OCM: variants seen among roughly 807,000 people sequenced by gnomAD.
The protein encoded by OCM is oncomodulin.
A neutral mutation model predicts 14.1 loss-of-function variants in OCM; 18 were observed. That is an observed-to-expected ratio of 1.28 (90% confidence interval 0.88 to 1.89). OCM has a LOEUF of 1.89. Ranked by LOEUF, OCM falls within the 40% of genes most tolerant of loss-of-function variation. The probability of loss-of-function intolerance (pLI) is 0.00; values close to 1 mark genes in which losing one functional copy is unlikely to be tolerated. For missense variants in OCM, 140 were observed against 137.6 expected (o/e 1.02, Z -0.09); for synonymous variants, 48 against 51.0 (o/e 0.94, Z 0.25).
At chr7:5,873,820 T>A in the OCM span, among the ~76,000 whole-genome samples, 12 of 151,938 alleles carry the variant, frequency 7.9e-5, no homozygotes, top group Admixed American at 2.6e-4. Context: ...TAGGAAGTGA[T>A]GTCTGTTGAG....
chr7:5,860,289 CT>C, the OCM span, among the ~76,000 whole-genome samples: 2 of 150,688 alleles, frequency 1.3e-5, no homozygotes, highest in Admixed American at 1.3e-4. Flanking sequence ...CATTTTGTTT[CT>C]TTTCTGCTAT....
At chr7:5,877,836 AAAAAAAAAG>A (rs1442341242), upstream of OCM, among the ~76,000 whole-genome samples, 1 of 151,028 alleles carries the variant, frequency 6.6e-6, no homozygotes, top group Non-Finnish European at 1.5e-5. Context: ...AAAAAAAAAA[AAAAAAAAAG>A]GAGATCCTGA....
chr7:5,884,613 G>T (rs574154339), intron 3 of OCM, among the ~76,000 whole-genome samples: 1 of 151,798 alleles, frequency 6.6e-6, no homozygotes, highest in Non-Finnish European at 1.5e-5. Flanking sequence ...TGTTGCTAGC[G>T]TGCTTTTTAA....
chr7:5,864,950 G>A, the OCM span, among the ~76,000 whole-genome samples: 3 of 151,714 alleles, frequency 2.0e-5, no homozygotes, highest in Non-Finnish European at 4.4e-5. Context: ...AAAAAAAAAA[G>A]AACTAGGGAA....
At chr7:5,871,164 T>C in the OCM span, among the ~76,000 whole-genome samples, 4 of 124,354 alleles carry the variant, frequency 3.2e-5, no homozygotes, top group Admixed American at 2.7e-4. Context: ...CTGGGCAACA[T>C]AGTGAGAGCC....
chr7:5,861,473 G>C, the OCM span, among the ~76,000 whole-genome samples: 1 of 152,068 alleles, frequency 6.6e-6, no homozygotes, highest in East Asian at 1.9e-4. Flanking sequence ...AATAGAACCA[G>C]TTGGGTCATG....
upstream of OCM, among the ~76,000 whole-genome samples, chr7:5,875,479 A>G (rs1562528086): frequency 1.3e-5 from 2 of 151,540 alleles, no homozygotes; most frequent in African/African-American, 2.4e-5. Flanking sequence ...TAAATATAAT[A>G]TTTTTCTACA....
the OCM span, among the ~76,000 whole-genome samples, chr7:5,861,841 A>C: frequency 6.6e-6 from 1 of 152,030 alleles, no homozygotes; most frequent in African/African-American, 2.4e-5. Context: ...GGCCTCCCAA[A>C]GCATTGAAAT....
upstream of OCM, among the ~76,000 whole-genome samples, chr7:5,880,277 A>G (rs142259826): frequency 0.02 from 3,010 of 152,222 alleles, 99 homozygotes; most frequent in East Asian, 0.061. Context: ...CAAATGACTG[A>G]TTATGTCAGT....
chr7:5,873,754 C>T, the OCM span, among the ~76,000 whole-genome samples: 4 of 152,066 alleles, frequency 2.6e-5, no homozygotes, highest in African/African-American at 9.6e-5. Context: ...ATGCTGGTGG[C>T]TTGGGCTAGG....
upstream of OCM, chr7:5,880,685 G>A: frequency 2.0e-6 from 1 of 502,498 alleles, no homozygotes; most frequent in East Asian, 3.3e-5. Context: ...CTTGAGCCCA[G>A]GAGGCGGAGG....
upstream of OCM, among the ~76,000 whole-genome samples, chr7:5,877,416 C>T (rs779198117): frequency 6.7e-6 from 1 of 150,354 alleles, no homozygotes; most frequent in Non-Finnish European, 1.5e-5. Flanking sequence ...TGCAGTGAGC[C>T]GAGATCACAC....
chr7:5,880,317 T>G (rs1188080684), upstream of OCM, among the ~76,000 whole-genome samples: 1 of 151,666 alleles, frequency 6.6e-6, no homozygotes, highest in African/African-American at 2.4e-5. Context: ...AATTGAATCC[T>G]TCTTTGGGTC....
chr7:5,869,229 T>TG, the OCM span, among the ~76,000 whole-genome samples: 1 of 151,844 alleles, frequency 6.6e-6, no homozygotes, highest in South Asian at 2.1e-4. Flanking sequence ...CACGAGGGGG[T>TG]GCCAGGCCCT....
upstream of OCM, among the ~76,000 whole-genome samples, chr7:5,878,725 C>T (rs1381388025): frequency 6.0e-5 from 9 of 149,878 alleles, no homozygotes; most frequent in South Asian, 4.2e-4. Flanking sequence ...CCAGCCTGGG[C>T]GACAGAATTG....
chr7:5,865,394 A>T, the OCM span, among the ~76,000 whole-genome samples: 11 of 152,124 alleles, frequency 7.2e-5, no homozygotes, highest in Non-Finnish European at 1.5e-4. Flanking sequence ...CAAATGAGAG[A>T]TGGTGACGCT....
At chr7:5,864,008 G>A in the OCM span, among the ~76,000 whole-genome samples, 7 of 151,880 alleles carry the variant, frequency 4.6e-5, no homozygotes, top group East Asian at 1.4e-3. Context: ...GGTTTGAGAA[G>A]GAGATCAGGA....
chr7:5,870,442 C>T, the OCM span, among the ~76,000 whole-genome samples: 538 of 152,336 alleles, frequency 3.5e-3, 7 homozygotes, highest in African/African-American at 0.013. Context: ...ATTCTCATAG[C>T]ATCCTGTCCA....
the OCM span, among the ~76,000 whole-genome samples, chr7:5,863,414 TGATGGCACAGGA>T: frequency 1.3e-5 from 2 of 151,982 alleles, no homozygotes; most frequent in Non-Finnish European, 2.9e-5. Context: ...AGAGAGAAAT[TGATGGCACAGGA>T]GAGGGAAGAG....
Sources: gnomAD v4.1 joint callset for allele counts (sites outside exome capture counted in the v4.1 genomes callset) on GRCh38, gnomAD v4.1.1 for gene constraint, MANE v1.5 for transcripts, NCBI Gene and HGNC (gene_info 2026-07-23, HGNC 2026-07-21) for gene names.